PPP4R2: variants seen among roughly 807,000 people sequenced by gnomAD.
PPP4R2 encodes serine/threonine-protein phosphatase 4 regulatory subunit 2.
PPP4R2 carries 13 observed loss-of-function variants against 47.2 expected under a neutral mutation model. The ratio of observed to expected loss-of-function variants is 0.28; its 90% CI spans 0.18 to 0.44. The LOEUF (loss-of-function observed/expected upper bound fraction) is 0.44, where lower values mean the gene tolerates loss of function less well. PPP4R2 is among the 20% of genes least tolerant of loss of function. The pLI, the probability that PPP4R2 is intolerant of heterozygous loss-of-function variation, is 1.00. For synonymous variants in PPP4R2, 151 were observed against 163.3 expected, an observed-to-expected ratio of 0.92 and a Z score of 0.57; for missense variants, 421 against 491.2, an observed-to-expected ratio of 0.86 and a Z score of 1.35.
chr3:73,004,867 GTGTT>G (rs10574001), intron 2 of PPP4R2, among the ~76,000 whole-genome samples: 26,810 of 78,386 alleles, frequency 0.34, 2,950 homozygotes, highest in African/African-American at 0.48. Flanking sequence ...GTGTGTGTGT[GTGTT>G]TGTTTGTTTG....
At chr3:73,010,044 A>G (rs1274288514) in intron 2 of PPP4R2, among the ~76,000 whole-genome samples, 1 of 152,130 alleles carries the variant, frequency 6.6e-6, no homozygotes, top group African/African-American at 2.4e-5. Flanking sequence ...TGAATATTAA[A>G]TATTTTTGAG....
chr3:73,019,399 A>G (rs1179024451), intron 2 of PPP4R2, among the ~76,000 whole-genome samples: 1 of 152,088 alleles, frequency 6.6e-6, no homozygotes, highest in Non-Finnish European at 1.5e-5. Context: ...TTTGGGACGG[A>G]GTCTTACTCT....
At chr3:73,064,750 G>T in intron 7 of PPP4R2, 102 bp from the exon 8 acceptor site, 2 of 1,029,856 alleles carry the variant, frequency 1.9e-6, no homozygotes, top group Non-Finnish European at 2.9e-6. Context: ...ATTTAACTTT[G>T]ACACTGAAAT....
intron 3 of PPP4R2, among the ~76,000 whole-genome samples, chr3:73,051,210 T>C (rs989515657): frequency 2.6e-5 from 4 of 152,162 alleles, no homozygotes; most frequent in African/African-American, 9.7e-5. Context: ...CCACCGCACC[T>C]GGCCAGATTG....
At chr3:73,006,374 T>C (rs1157333396) in intron 2 of PPP4R2, among the ~76,000 whole-genome samples, 1 of 151,912 alleles carries the variant, frequency 6.6e-6, no homozygotes, top group Non-Finnish European at 1.5e-5. Context: ...AGTTTTTGTA[T>C]TTTTAGTAGA....
chr3:73,005,621 G>C (rs1028172697), intron 2 of PPP4R2, among the ~76,000 whole-genome samples: 3 of 151,802 alleles, frequency 2.0e-5, no homozygotes, highest in African/African-American at 7.3e-5. Context: ...GGCTGAGGCC[G>C]GCGGATCACC....
At chr3:73,034,485 T>C (rs912385032) in intron 2 of PPP4R2, among the ~76,000 whole-genome samples, 4 of 152,178 alleles carry the variant, frequency 2.6e-5, no homozygotes, top group African/African-American at 9.7e-5. Flanking sequence ...TAACTATGAG[T>C]AGTGCTTTTT....
intron 7 of PPP4R2, 123 bp from the exon 8 acceptor site, chr3:73,064,729 C>T: frequency 2.4e-6 from 2 of 823,992 alleles, no homozygotes; most frequent in Non-Finnish European, 3.9e-6. Flanking sequence ...TTTCTTTGTT[C>T]AGGTGTTATA....
intron 3 of PPP4R2, among the ~76,000 whole-genome samples, chr3:73,055,700 C>G (rs1168418791): frequency 6.8e-6 from 1 of 147,276 alleles, no homozygotes; most frequent in Non-Finnish European, 1.5e-5. Context: ...TCACTCTTAT[C>G]ACCCAGGCTG....
chr3:73,021,274 C>G (rs893255337), intron 2 of PPP4R2, among the ~76,000 whole-genome samples: 1 of 151,052 alleles, frequency 6.6e-6, no homozygotes, highest in South Asian at 2.1e-4. Flanking sequence ...ACTGTTTCAC[C>G]CAGGCTGGGG....
intron 4 of PPP4R2, among the ~76,000 whole-genome samples, chr3:73,060,431 G>A (rs1702829654): frequency 1.3e-5 from 2 of 152,156 alleles, no homozygotes; most frequent in Admixed American, 1.3e-4. Context: ...GTGACCTTGG[G>A]CCAGTTAGTT....
At chr3:73,053,801 C>G (rs183713465) in intron 3 of PPP4R2, among the ~76,000 whole-genome samples, 2 of 149,404 alleles carry the variant, frequency 1.3e-5, no homozygotes, top group East Asian at 4.0e-4. Context: ...CCCAGCTACT[C>G]GGGAGGCTGA....
chr3:73,043,376 A>C (rs1050164887), intron 2 of PPP4R2, among the ~76,000 whole-genome samples: 5 of 152,180 alleles, frequency 3.3e-5, no homozygotes, highest in African/African-American at 9.6e-5. Flanking sequence ...AGGTGGAAAA[A>C]ACTAATCATG....
intron 2 of PPP4R2, among the ~76,000 whole-genome samples, chr3:73,002,337 A>G (rs957010273): frequency 6.6e-6 from 1 of 152,250 alleles, no homozygotes; most frequent in African/African-American, 2.4e-5. Context: ...TGCAACCTCA[A>G]ACTCTTAGGC....
intron 2 of PPP4R2, among the ~76,000 whole-genome samples, chr3:73,013,640 CTTT>C (rs1701768227): frequency 8.0e-6 from 1 of 124,402 alleles, no homozygotes; most frequent in Non-Finnish European, 1.7e-5. Context: ...TACCTTTTTT[CTTT>C]TTCTTTTTTT....
intron 3 of PPP4R2, 29 bp from the exon 4 acceptor site, chr3:73,059,008 T>C: frequency 7.6e-7 from 1 of 1,320,334 alleles, no homozygotes; most frequent in Non-Finnish European, 1.1e-6. Flanking sequence ...ATCAGTGATC[T>C]CACACTGTAA....
At chr3:73,002,436 T>A (rs998651394) in intron 2 of PPP4R2, among the ~76,000 whole-genome samples, 1 of 151,848 alleles carries the variant, frequency 6.6e-6, no homozygotes, top group Non-Finnish European at 1.5e-5. Context: ...TATAATTTTT[T>A]TTGTAGAGAC....
intron 3 of PPP4R2, among the ~76,000 whole-genome samples, chr3:73,048,296 A>AG (rs1330772717): frequency 1.3e-5 from 2 of 152,172 alleles, no homozygotes; most frequent in African/African-American, 4.8e-5. Flanking sequence ...GCTGTCACCC[A>AG]GGGTGGAGTG....
intron 2 of PPP4R2, 57 bp from the exon 3 acceptor site, chr3:73,047,129 T>G: frequency 1.0e-6 from 1 of 967,932 alleles, no homozygotes; most frequent in Non-Finnish European, 1.5e-6. Flanking sequence ...TTGTGTTTTG[T>G]GTTCAAGAAT....
Sources: allele counts gnomAD v4.1 joint callset (sites outside exome capture counted in the v4.1 genomes callset), GRCh38; gene constraint gnomAD v4.1.1; transcripts MANE v1.5; gene names NCBI Gene and HGNC (gene_info 2026-07-23, HGNC 2026-07-21).